Variants in PDE7A observed in about 807,000 individuals in gnomAD.
PDE7A encodes the protein phosphodiesterase 7A, also known as high affinity 3',5'-cyclic-AMP phosphodiesterase 7A.
Under a neutral mutation model 64.3 loss-of-function variants are expected in PDE7A, and 39 were observed. That is an observed-to-expected ratio of 0.61 (90% CI 0.47 to 0.79). The LOEUF is 0.79. PDE7A is among the 30% of genes least tolerant of loss of function. PDE7A has a pLI of 0.00. For missense variants in PDE7A, 470 were observed against 582.8 expected (o/e 0.81, Z 1.99); for synonymous variants, 203 against 206.8 (o/e 0.98, Z 0.16).
At chr8:65,823,851 GACTT>G (rs1810601275) in intron 1 of PDE7A, among the ~76,000 whole-genome samples, 1 of 151,960 alleles carries the variant, frequency 6.6e-6, no homozygotes, top group Non-Finnish European at 1.5e-5. Flanking sequence ...AGCAACTAAA[GACTT>G]ACTAGTTAAG....
At chr8:65,774,008 A>C (rs1209439595) in intron 3 of PDE7A, among the ~76,000 whole-genome samples, 2 of 152,172 alleles carry the variant, frequency 1.3e-5, no homozygotes, top group Non-Finnish European at 2.9e-5. Context: ...TATTTATTGC[A>C]ATACCAAAAC....
In PDE7A at chr8:65,775,722, G is replaced by C. The variant is rs1809241618; in HGVS notation, c.283+3998C>G. Among the ~76,000 whole-genome samples, 3 of 152,172 alleles carry C rather than the reference G, an allele frequency of 2.0e-5. No individual in the cohort carries two copies. The South Asian group carries it at 6.2e-4, about 31-fold the overall frequency. ...GGCTAACTGCAACCTCCGCCTCCCA[G>C]GTTCGAGTGATTCTCCTGCCTCAGC... On this transcript the variant is annotated intron_variant, in intron 3 of 12. Transcript: ENST00000401827.
chr8:65,723,652 T>A (rs748609826), intron 11 of PDE7A, 31 bp from the exon 12 acceptor site: 2 of 1,424,106 alleles, frequency 1.4e-6, no homozygotes, highest in Non-Finnish European at 1.9e-6. Flanking sequence ...AGTATTAATA[T>A]GAAGAATATC....
In PDE7A at chr8:65,718,953, ACAATT is replaced by A. The variant is rs1251151816; in HGVS notation, c.*332_*336del. ...TTAAATTCCAAGAGATTGTTGCTGA[ACAATT>A]CAAGTTTCACGTTTTGAAGATTAGA... is the stretch of plus-strand genomic sequence containing the variant. On this transcript the variant is annotated 3_prime_UTR_variant, in exon 13 of 13. Transcript: ENST00000401827. 30 of 322,976 alleles carry A rather than the reference ACAATT, an allele frequency of 9.3e-5. No homozygotes were observed. Among genetic ancestry groups the A allele is most frequent in the Non-Finnish European group, 1.5e-4 (26 of 169,580 alleles). The allele number at this position is 322,976 out of a possible 1,614,324, so 20.0% of individuals were successfully genotyped here.
chr8:65,742,295 A>G (rs1302178773), intron 5 of PDE7A, among the ~76,000 whole-genome samples: 1 of 152,214 alleles, frequency 6.6e-6, no homozygotes, highest in Non-Finnish European at 1.5e-5. Flanking sequence ...CCACCCTGAC[A>G]ACGCAGGCCT....
Position 65,716,162 on chromosome 8 carries a change from AAC to A in PDE7A, c.*3126_*3127del, listed in dbSNP as rs1211323246. Among the ~76,000 whole-genome samples, 2 of 151,422 alleles carry A rather than the reference AAC, an allele frequency of 1.3e-5. No individual in the cohort carries two copies. Among genetic ancestry groups the A allele is most frequent in the African/African-American group, 4.9e-5 (2 of 41,228 alleles). On this transcript the variant is annotated 3_prime_UTR_variant, in exon 13 of 13. Coordinates refer to ENST00000401827, the MANE Select transcript of PDE7A (RefSeq NM_001242318.3). ...AGACCCTGTCTCAAAAAAAAAAAAAAACAAAAGGGCTATAGAAGGTGATTCCC... is the reference window on the plus strand; with the variant it reads ...AGACCCTGTCTCAAAAAAAAAAAAAAAAAAGGGCTATAGAAGGTGATTCCC...
intron 3 of PDE7A, among the ~76,000 whole-genome samples, chr8:65,767,348 C>T (rs17396192): frequency 0.052 from 7,968 of 152,298 alleles, 302 homozygotes; most frequent in Middle Eastern, 0.088. Context: ...GTATAAGCAA[C>T]CACAGTCCTT....
chr8:65,768,303 C>A (rs931530909), intron 3 of PDE7A, among the ~76,000 whole-genome samples: 11 of 152,178 alleles, frequency 7.2e-5, no homozygotes, highest in Non-Finnish European at 1.2e-4. Flanking sequence ...TGTGCCCCCA[C>A]CCAAATCTCA....
intron 1 of PDE7A, among the ~76,000 whole-genome samples, chr8:65,800,700 C>G (rs978861733): frequency 6.6e-6 from 1 of 152,178 alleles, no homozygotes; most frequent in African/African-American, 2.4e-5. Context: ...TAACATTCCT[C>G]TCCCTCTCAC....
chr8:65,835,291 A>T (rs1376712751), intron 1 of PDE7A, among the ~76,000 whole-genome samples: 1 of 152,270 alleles, frequency 6.6e-6, no homozygotes, highest in Non-Finnish European at 1.5e-5. Flanking sequence ...GAGACTTCTA[A>T]CAAAATCAGA....
intron 3 of PDE7A, among the ~76,000 whole-genome samples, chr8:65,751,436 T>C (rs1022666198): frequency 6.6e-6 from 1 of 152,130 alleles, no homozygotes; most frequent in Admixed American, 6.5e-5. Flanking sequence ...CCCAAAATGG[T>C]AACTTTTATC....
intron 1 of PDE7A, among the ~76,000 whole-genome samples, chr8:65,786,428 T>C (rs1374945622): frequency 6.6e-6 from 1 of 152,166 alleles, no homozygotes; most frequent in African/African-American, 2.4e-5. Flanking sequence ...TCTCACTAGG[T>C]AGAATAATCT....
chr8:65,739,319 A>C (rs1563479711), intron 6 of PDE7A, among the ~76,000 whole-genome samples, 183 bp downstream of exon 6: 1 of 152,214 alleles, frequency 6.6e-6, no homozygotes. Context: ...CCCAGACCAG[A>C]CCAAAAGAAG....
intron 6 of PDE7A, among the ~76,000 whole-genome samples, chr8:65,738,477 A>G (rs965393963): frequency 7.9e-5 from 12 of 152,238 alleles, no homozygotes; most frequent in Non-Finnish European, 1.6e-4. Flanking sequence ...TTCCTTCCTC[A>G]GGTAGAACCA....
intron 1 of PDE7A, among the ~76,000 whole-genome samples, chr8:65,832,949 A>T (rs1810868595): frequency 6.6e-6 from 1 of 152,224 alleles, no homozygotes; most frequent in African/African-American, 2.4e-5. Flanking sequence ...CACAGGCTTT[A>T]GAGTCAGCAT....
Position 65,719,482 on chromosome 8 carries a change from G to C in PDE7A, c.1257C>G (p.Tyr419Ter). The change falls in exon 13 of 13, where the codon TAC becomes TAG. Residue 419 changes from tyrosine (Y) to a stop codon, truncating the protein, a stop_gained. Transcript: ENST00000401827. LOFTEE classifies it high-confidence loss of function. Reference sequence around the variant, plus strand: ...ATTCTGTAAATAAAGGCTCCACTAGGTAAGTCATAAAACCTTGAGAAAATA... The same window carrying C: ...ATTCTGTAAATAAAGGCTCCACTAGCTAAGTCATAAAACCTTGAGAAAATA... ...IANIQIGFMT[Y>*]LVEPLFTEWA... 6.2e-7 allele frequency: 1 copy of C among 1,611,866 alleles called. No individual in the cohort carries two copies. The highest frequency in any genetic ancestry group is 8.5e-7 in the Non-Finnish European group (1 of 1,177,962).
chr8:65,736,706 C>T (rs569294110), intron 6 of PDE7A, among the ~76,000 whole-genome samples: 99 of 150,032 alleles, frequency 6.6e-4, no homozygotes, highest in African/African-American at 2.2e-3. Flanking sequence ...GCCATGATCA[C>T]GCCACTGCAC....
intron 3 of PDE7A, among the ~76,000 whole-genome samples, chr8:65,756,552 A>T (rs1225791916): frequency 6.6e-6 from 1 of 151,934 alleles, no homozygotes; most frequent in Non-Finnish European, 1.5e-5. Flanking sequence ...CATTTCAGTT[A>T]TTCTACTTTT....
intron 3 of PDE7A, among the ~76,000 whole-genome samples, chr8:65,758,126 T>C (rs1362961273): frequency 1.3e-5 from 2 of 152,200 alleles, no homozygotes; most frequent in Non-Finnish European, 2.9e-5. Context: ...CCTTTTCCTG[T>C]GTCCATTCCC....
Sources: gnomAD v4.1 joint callset for allele counts (sites outside exome capture counted in the v4.1 genomes callset) on GRCh38, gnomAD v4.1.1 for gene constraint, MANE v1.5 for transcripts, NCBI Gene and HGNC (gene_info 2026-07-23, HGNC 2026-07-21) for gene names.